The following CDH12 variants were observed in gnomAD, a reference collection of about 807,000 sequenced individuals.
CDH12 encodes the protein cadherin-12.
In CDH12, 41 loss-of-function variants were observed where a neutral mutation model predicts 74.1. The observed-to-expected ratio is 0.55, with a 90% CI of 0.43 to 0.72. The LOEUF is 0.72. CDH12 is among the 30% of genes least tolerant of loss of function. CDH12 has a pLI of 0.00. For synonymous variants in CDH12, 399 were observed against 355.0 expected, an observed-to-expected ratio of 1.12 and a Z score of -1.39; for missense variants, 945 against 977.2, an observed-to-expected ratio of 0.97 and a Z score of 0.44.
At chr5:22,823,150 G>A (rs969689205) in intron 1 of CDH12, among the ~76,000 whole-genome samples, 13 of 149,238 alleles carry the variant, frequency 8.7e-5, no homozygotes, top group South Asian at 2.2e-4. Context: ...ACCAAACACC[G>A]CATGTTCTCA....
chr5:22,193,214 C>T (rs1750409797), intron 4 of CDH12, among the ~76,000 whole-genome samples: 1 of 152,088 alleles, frequency 6.6e-6, no homozygotes, highest in African/African-American at 2.4e-5. Flanking sequence ...ATTTGGAGGG[C>T]TATAAAGTTT....
Position 21,830,199 on chromosome 5 carries a change from C to CAAAAAAAAAAAAAAAAAA in CDH12, c.814+11944_814+11961dup, listed in dbSNP as rs1055199877. Among the ~76,000 whole-genome samples, 3 of 25,234 alleles carry CAAAAAAAAAAAAAAAAAA rather than the reference C, an allele frequency of 1.2e-4. 1 individual carries two copies. The highest frequency in any genetic ancestry group is 2.3e-4 in the Non-Finnish European group (3 of 13,086). The allele number at this position is 25,234 out of a possible 152,430, so 16.6% of individuals were successfully genotyped here. Reference sequence around the variant, plus strand: ...GGGTGACAACAGTGAAACTCCTTCTCAAAAAAAAAAAAAAAAAAAAAAAAA... The same window carrying CAAAAAAAAAAAAAAAAAA: ...GGGTGACAACAGTGAAACTCCTTCTCAAAAAAAAAAAAAAAAAAAAAAAAAAAAAAAAAAAAAAAAAAA... On this transcript the variant is annotated intron_variant, in intron 8 of 14. Coordinates refer to ENST00000382254, the MANE Select transcript of CDH12 (RefSeq NM_004061.5).
chr5:22,166,372 G>T (rs1384804108), intron 4 of CDH12, among the ~76,000 whole-genome samples: 1 of 152,056 alleles, frequency 6.6e-6, no homozygotes, highest in Non-Finnish European at 1.5e-5. Context: ...TTGGACATCT[G>T]GTCATCCCTT....
chr5:22,752,551 T>G (rs1745635044), intron 1 of CDH12, among the ~76,000 whole-genome samples: 1 of 18,818 alleles, frequency 5.3e-5, no homozygotes, highest in Non-Finnish European at 1.1e-4. Flanking sequence ...ACTTCTTTTT[T>G]TTTTTTTTTT....
intron 7 of CDH12, among the ~76,000 whole-genome samples, chr5:21,844,468 C>T (rs758136310): frequency 3.3e-5 from 5 of 152,104 alleles, no homozygotes; most frequent in Non-Finnish European, 7.4e-5. Flanking sequence ...GACTTTCAAA[C>T]TACATATACA....
intron 3 of CDH12, among the ~76,000 whole-genome samples, chr5:22,372,735 T>C (rs986530900): frequency 1.8e-4 from 27 of 152,072 alleles, no homozygotes; most frequent in Admixed American, 1.3e-3. Flanking sequence ...CACTAAGACA[T>C]GCCCCGTCCT....
chr5:22,475,156 C>G (rs904605407), intron 2 of CDH12, among the ~76,000 whole-genome samples: 1 of 151,270 alleles, frequency 6.6e-6, no homozygotes, highest in Admixed American at 6.6e-5. Context: ...AGACCCTCAT[C>G]CTTGAATCTC....
intron 5 of CDH12, among the ~76,000 whole-genome samples, chr5:21,997,574 CA>C (rs2150141087): frequency 6.6e-6 from 1 of 152,072 alleles, no homozygotes; most frequent in South Asian, 2.1e-4. Context: ...TTGAAGTAAA[CA>C]ATAGACCGGA....
intron 6 of CDH12, chr5:21,889,963 G>C (rs563876571): frequency 2.7e-6 from 1 of 364,450 alleles, no homozygotes; most frequent in African/African-American, 2.2e-5. Context: ...TGTAGTCTAA[G>C]ACACTTCCTT....
At chr5:22,336,236 T>C (rs529842346) in intron 3 of CDH12, among the ~76,000 whole-genome samples, 1 of 152,292 alleles carries the variant, frequency 6.6e-6, no homozygotes, top group South Asian at 2.1e-4. Flanking sequence ...TGAGAATCAT[T>C]CAGTTTTAAA....
intron 5 of CDH12, among the ~76,000 whole-genome samples, chr5:22,017,686 A>T (rs530672229): frequency 6.6e-6 from 1 of 152,210 alleles, no homozygotes; most frequent in East Asian, 1.9e-4. Flanking sequence ...GGTTAGAGAG[A>T]AATATTGACA....
chr5:22,608,662 A>C (rs2126823037), intron 1 of CDH12, among the ~76,000 whole-genome samples: 1 of 152,274 alleles, frequency 6.6e-6, no homozygotes, highest in Admixed American at 6.5e-5. Flanking sequence ...TTTGAATTGT[A>C]ACAATTCCCA....
chr5:22,599,459 G>A (rs977185337), intron 1 of CDH12, among the ~76,000 whole-genome samples: 20 of 152,244 alleles, frequency 1.3e-4, no homozygotes, highest in African/African-American at 4.3e-4. Context: ...CATTCTTATA[G>A]TGCACGCTGA....
At chr5:22,794,663 T>C (rs1748097424) in intron 1 of CDH12, among the ~76,000 whole-genome samples, 1 of 152,160 alleles carries the variant, frequency 6.6e-6, no homozygotes, top group Non-Finnish European at 1.5e-5. Context: ...AACAAAGGAA[T>C]AGTAGACTGA....
chr5:22,020,984 C>T (rs1392838492), intron 5 of CDH12, among the ~76,000 whole-genome samples: 11 of 152,092 alleles, frequency 7.2e-5, no homozygotes. Flanking sequence ...TGATATCATA[C>T]TGGACCAGGG....
intron 6 of CDH12, among the ~76,000 whole-genome samples, chr5:21,950,812 G>T (rs1254419127): frequency 2.1e-5 from 3 of 140,036 alleles, no homozygotes; most frequent in Non-Finnish European, 4.7e-5. Flanking sequence ...TTGAGACAGA[G>T]TCTCACTCTG....
intron 1 of CDH12, among the ~76,000 whole-genome samples, chr5:22,740,974 AG>A (rs1744998153): frequency 6.6e-6 from 1 of 152,296 alleles, no homozygotes; most frequent in African/African-American, 2.4e-5. Flanking sequence ...TAGAAACAAT[AG>A]GGGATTTCAA....
chr5:22,555,348 T>C (rs1454151330), intron 1 of CDH12, among the ~76,000 whole-genome samples: 4 of 152,058 alleles, frequency 2.6e-5, no homozygotes. Context: ...ACTGAATCTT[T>C]CTTGTATGCT....
intron 8 of CDH12, among the ~76,000 whole-genome samples, chr5:21,828,071 C>T (rs1341623535): frequency 1.3e-5 from 2 of 151,728 alleles, no homozygotes; most frequent in Non-Finnish European, 2.9e-5. Flanking sequence ...AAAGTTTTTT[C>T]ATAAATTATA....
Sources: allele counts gnomAD v4.1 joint callset (sites outside exome capture counted in the v4.1 genomes callset), GRCh38; gene constraint gnomAD v4.1.1; transcripts MANE v1.5; gene names NCBI Gene and HGNC (gene_info 2026-07-23, HGNC 2026-07-21).